FBLN5: variants seen among roughly 807,000 people sequenced by gnomAD.
The protein encoded by FBLN5 is fibulin 5, also known as fibulin-5.
Under a neutral mutation model 61.6 loss-of-function variants are expected in FBLN5, and 24 were observed. The ratio of observed to expected loss-of-function variants is 0.39; its 90% CI spans 0.28 to 0.55. The LOEUF (loss-of-function observed/expected upper bound fraction) is 0.55. Among genes scored for constraint, FBLN5 ranks in the 20% least tolerant of loss-of-function variants. The pLI, the probability that FBLN5 is intolerant of heterozygous loss-of-function variation, is 0.65. For missense variants in FBLN5, 470 were observed against 594.1 expected, an observed-to-expected ratio of 0.79 and a Z score of 2.17; for synonymous variants, 213 against 219.8, an observed-to-expected ratio of 0.97 and a Z score of 0.27.
chr14:91,870,141 G>A lies in FBLN5; in HGVS notation c.*83C>T, dbSNP rs762984325. Reference sequence around the variant, plus strand: ...GCAGGAAATGCCTAACGTCTGTGTCGCTCTCATTCTCTCTGTTATTTCCTC... The same window carrying A: ...GCAGGAAATGCCTAACGTCTGTGTCACTCTCATTCTCTCTGTTATTTCCTC... On this transcript the variant is annotated 3_prime_UTR_variant, in exon 11 of 11. Transcript: ENST00000342058. 6.5e-5 allele frequency: 90 copies of A among 1,388,120 alleles called. No homozygotes were observed. The highest frequency in any genetic ancestry group is 4.2e-4 in the African/African-American group (30 of 70,632). The allele number at this position is 1,388,120 out of a possible 1,614,324, so 86.0% of individuals were successfully genotyped here. A position where few individuals can be genotyped will look rare whatever the true frequency, so the allele number is the denominator to read the frequency against.
Position 91,929,664 on chromosome 14 carries a change from C to G in FBLN5, c.379+7283G>C, listed in dbSNP as rs184234725. 5.5e-3 allele frequency among the ~76,000 whole-genome samples: 834 copies of G among 152,284 alleles called. 9 individuals carry two copies. Among genetic ancestry groups the G allele is most frequent in the South Asian group, 0.035 (168 of 4,826 alleles). On this transcript the variant is annotated intron_variant, in intron 4 of 10. Coordinates refer to ENST00000342058, the MANE Select transcript of FBLN5 (RefSeq NM_006329.4). Reference sequence around the variant, plus strand: ...TTTGTTTTTAAATAAGTAACACATTCTTCTAACAAATTCAAACAATATACA... The same window carrying G: ...TTTGTTTTTAAATAAGTAACACATTGTTCTAACAAATTCAAACAATATACA...
At chr14:91,907,554 T>C (rs1049375177) in intron 4 of FBLN5, among the ~76,000 whole-genome samples, 1 of 151,944 alleles carries the variant, frequency 6.6e-6, no homozygotes, top group Non-Finnish European at 1.5e-5. Flanking sequence ...GGGGGGAGCT[T>C]CACTGGAGCA....
chr14:91,902,281 G>GTTTTT (rs1555376457), intron 4 of FBLN5, among the ~76,000 whole-genome samples: 2 of 29,070 alleles, frequency 6.9e-5, no homozygotes, highest in African/African-American at 1.4e-4. Flanking sequence ...TTGTTTGTTT[G>GTTTTT]TTTTTTTTTT....
intron 4 of FBLN5, among the ~76,000 whole-genome samples, chr14:91,918,245 A>G (rs1170754125): frequency 6.6e-6 from 1 of 152,208 alleles, no homozygotes; most frequent in East Asian, 1.9e-4. Flanking sequence ...AGCTTTTCAG[A>G]ATCAGCCTGC....
intron 4 of FBLN5, among the ~76,000 whole-genome samples, chr14:91,934,912 C>T (rs1008999442): frequency 2.6e-5 from 4 of 152,168 alleles, no homozygotes; most frequent in Non-Finnish European, 4.4e-5. Flanking sequence ...TTCCCCCCAC[C>T]CCCACAATGC....
At chr14:91,945,097 G>T (rs1342153258) in intron 1 of FBLN5, among the ~76,000 whole-genome samples, 1 of 152,116 alleles carries the variant, frequency 6.6e-6, no homozygotes, top group Non-Finnish European at 1.5e-5. Context: ...CGACTGTGGT[G>T]GCAGGCGCCT....
intron 10 of FBLN5, among the ~76,000 whole-genome samples, chr14:91,872,414 C>T (rs569505150): frequency 5.3e-5 from 8 of 152,360 alleles, no homozygotes; most frequent in Admixed American, 3.3e-4. Flanking sequence ...TGGACAATCA[C>T]TTCCCATACA....
At chr14:91,883,591 T>G (rs1889578105) in intron 7 of FBLN5, among the ~76,000 whole-genome samples, 1 of 131,994 alleles carries the variant, frequency 7.6e-6, no homozygotes, top group Non-Finnish European at 1.5e-5. Context: ...AAAGTCACAA[T>G]TAAGGGACAT....
chr14:91,874,143 T>G (rs968750808), intron 10 of FBLN5: 7 of 152,140 alleles, frequency 4.6e-5, no homozygotes, highest in Non-Finnish European at 8.8e-5. Context: ...GCCTGCGGGG[T>G]GAGATGAAGC....
chr14:91,880,526 CGTGTGTGTGT>C (rs140201135), intron 9 of FBLN5, among the ~76,000 whole-genome samples: 40 of 147,556 alleles, frequency 2.7e-4, no homozygotes, highest in African/African-American at 5.8e-4. Flanking sequence ...AGTGTGCGTG[CGTGTGTGTGT>C]GTGTGTGTGT....
intron 5 of FBLN5, among the ~76,000 whole-genome samples, chr14:91,894,655 G>A (rs1890144721): frequency 6.6e-6 from 1 of 152,168 alleles, no homozygotes. Flanking sequence ...CCAGGAGGCG[G>A]AGGTTGCGGT....
chr14:91,937,069 GTCGAGTAGGGGT>G lies in FBLN5; in HGVS notation c.245_256del (p.Asn82_Ser85del), dbSNP rs752657971. On this transcript the variant is annotated inframe_deletion, in exon 4 of 11. Transcript: ENST00000342058. ...TGCTGGGTACGGACCTGAGTAGGGG[GTCGAGTAGGGGT>G]TCGAGTAGGGCCCTCGATACACAGG... 35 of 1,613,856 alleles carry G rather than the reference GTCGAGTAGGGGT, an allele frequency of 2.2e-5. No homozygotes were observed. The highest frequency in any genetic ancestry group is 2.7e-5 in the African/African-American group (2 of 74,854).
chr14:91,897,732 C>T (rs1244967045), intron 4 of FBLN5, among the ~76,000 whole-genome samples: 1 of 152,194 alleles, frequency 6.6e-6, no homozygotes, highest in Non-Finnish European at 1.5e-5. Flanking sequence ...CTTTTAAAAA[C>T]TCCAGCACTT....
chr14:91,929,115 CCCA>C (rs2055881967), intron 4 of FBLN5, among the ~76,000 whole-genome samples: 2 of 143,700 alleles, frequency 1.4e-5, no homozygotes, highest in African/African-American at 2.6e-5. Flanking sequence ...ACACACACAC[CCCA>C]CACACACACA....
chr14:91,928,703 T>C (rs1456530768), intron 4 of FBLN5, among the ~76,000 whole-genome samples: 4 of 137,474 alleles, frequency 2.9e-5, no homozygotes, highest in African/African-American at 1.1e-4. Flanking sequence ...GCCTGGGAGG[T>C]TGAGGATGCA....
chr14:91,919,434 G>GAAGT, intron 4 of FBLN5, among the ~76,000 whole-genome samples: 1 of 150,362 alleles, frequency 6.7e-6, no homozygotes, highest in Non-Finnish European at 1.5e-5. Flanking sequence ...AGGAAGGAAG[G>GAAGT]ATTACCAGGG....
intron 2 of FBLN5, 85 bp from the exon 3 acceptor site, chr14:91,940,701 T>G: frequency 3.3e-6 from 4 of 1,223,198 alleles, no homozygotes; most frequent in Non-Finnish European, 4.8e-6. Context: ...GTTGGGGAAA[T>G]GGAGCAAAAA....
chr14:91,906,256 A>C (rs1890683098), intron 4 of FBLN5, among the ~76,000 whole-genome samples: 1 of 152,154 alleles, frequency 6.6e-6, no homozygotes, highest in African/African-American at 2.4e-5. Flanking sequence ...CTTCTACCCC[A>C]GTAGGGTCCA....
chr14:91,888,326 T>C (rs1889824602), intron 6 of FBLN5, among the ~76,000 whole-genome samples: 1 of 147,354 alleles, frequency 6.8e-6, no homozygotes, highest in Middle Eastern at 4.1e-3. Flanking sequence ...AATTATAGGC[T>C]GGGTGCAGTG....
Sources: gnomAD v4.1 joint callset for allele counts (sites outside exome capture counted in the v4.1 genomes callset) on GRCh38, gnomAD v4.1.1 for gene constraint, MANE v1.5 for transcripts, NCBI Gene and HGNC (gene_info 2026-07-23, HGNC 2026-07-21) for gene names.